Variants in ATP9A observed in about 807,000 individuals in gnomAD.
ATP9A encodes the protein ATPase phospholipid transporting 9A.
ATP9A carries 52 observed loss-of-function variants against 144.1 expected under a neutral mutation model. The observed-to-expected ratio is 0.36, with a 90% confidence interval of 0.29 to 0.45. ATP9A has a LOEUF of 0.45. ATP9A is among the 20% of genes least tolerant of loss of function. ATP9A has a pLI of 1.00. For missense variants in ATP9A, 947 were observed against 1,392.7 expected (o/e 0.68, Z 5.09); for synonymous variants, 582 against 557.4 (o/e 1.04, Z -0.62).
At chr20:51,607,411 CCCT>C in intron 26 of ATP9A, 113 bp downstream of exon 26, 1 of 941,504 alleles carries the variant, frequency 1.1e-6, no homozygotes, top group Admixed American at 2.2e-5. Flanking sequence ...CCCACTGCCA[CCCT>C]CCTTCCTGCT....
intron 24 of ATP9A, among the ~76,000 whole-genome samples, chr20:51,608,905 G>C (rs1293197074): frequency 7.3e-6 from 1 of 137,748 alleles, no homozygotes; most frequent in East Asian, 2.1e-4. Context: ...AAATATAATG[G>C]GGTAGAGGAA....
At chr20:51,656,844 C>A in intron 14 of ATP9A, 94 bp downstream of exon 14, 2 of 1,189,652 alleles carry the variant, frequency 1.7e-6, no homozygotes. Context: ...CTCCTGTCTG[C>A]CCTGACACAT....
intron 9 of ATP9A, among the ~76,000 whole-genome samples, chr20:51,680,240 A>C (rs2122800876): frequency 6.6e-6 from 1 of 151,854 alleles, no homozygotes; most frequent in East Asian, 1.9e-4. Context: ...AAAAAAAAAA[A>C]AAAAAACTTG....
In ATP9A at chr20:51,690,747, A is replaced by G; in HGVS notation, c.715T>C (p.Phe239Leu). The change falls in exon 8 of 28, where the codon TTT becomes CTT. Residue 239 changes from phenylalanine (F) to leucine (L), a missense_variant. Physicochemically the swap from Phe to Leu is conservative, Grantham distance 22 (BLOSUM62 0). Transcript: ENST00000338821. ...NIDIHNFVGTFTREDSDPPIS... is the reference protein window; with the variant it reads ...NIDIHNFVGTLTREDSDPPIS... ...GAAGGAAGCTCACTTACTCGGGTAA[A>G]AGTTCCCACGAAGTTGTGAATGTCA... 1.2e-6 allele frequency: 2 copies of G among 1,613,924 alleles called. No individual in the cohort carries two copies. The highest frequency in any genetic ancestry group is 2.7e-5 in the African/African-American group (2 of 75,018).
At chr20:51,675,433 T>C (rs1439031294) in intron 10 of ATP9A, among the ~76,000 whole-genome samples, 1 of 152,172 alleles carries the variant, frequency 6.6e-6, no homozygotes, top group Non-Finnish European at 1.5e-5. Context: ...GTCCTCACTG[T>C]GTAGCCTGGA....
intron 26 of ATP9A, among the ~76,000 whole-genome samples, chr20:51,606,947 T>C (rs903206004): frequency 6.6e-6 from 1 of 150,592 alleles, no homozygotes; most frequent in Admixed American, 6.6e-5. Context: ...ATCTATTATG[T>C]GCACTACAAA....
chr20:51,718,396 T>G (rs1049626406), intron 3 of ATP9A, among the ~76,000 whole-genome samples: 18 of 151,708 alleles, frequency 1.2e-4, no homozygotes, highest in Non-Finnish European at 2.5e-4. Flanking sequence ...TTTGTTTGGT[T>G]GTTTTGGTAC....
chr20:51,651,999 G>C (rs2077368638), intron 14 of ATP9A, among the ~76,000 whole-genome samples: 1 of 151,986 alleles, frequency 6.6e-6, no homozygotes, highest in African/African-American at 2.4e-5. Flanking sequence ...GCCATGGACA[G>C]AGCTGATCCT....
At chr20:51,712,361 A>T (rs2077643421) in intron 4 of ATP9A, among the ~76,000 whole-genome samples, 1 of 152,192 alleles carries the variant, frequency 6.6e-6, no homozygotes. Flanking sequence ...GGCGTGAGCC[A>T]CTGTACTGGG....
chr20:51,688,498 A>G (rs2077533200), intron 9 of ATP9A, among the ~76,000 whole-genome samples: 1 of 152,128 alleles, frequency 6.6e-6, no homozygotes, highest in South Asian at 2.1e-4. Flanking sequence ...AGACTGAGAC[A>G]CAAGAATCGC....
At chr20:51,676,915 C>A (rs2077479648) in intron 9 of ATP9A, among the ~76,000 whole-genome samples, 2 of 122,952 alleles carry the variant, frequency 1.6e-5, no homozygotes, top group African/African-American at 3.1e-5. Flanking sequence ...CACGCCCAGT[C>A]TCTTTTTTTT....
chr20:51,676,936 T>C (rs1247718623), intron 9 of ATP9A, among the ~76,000 whole-genome samples: 7 of 144,494 alleles, frequency 4.8e-5, no homozygotes, highest in African/African-American at 1.8e-4. Flanking sequence ...TTTTTTTTTT[T>C]TTTTTTTTTG....
At chr20:51,610,267 G>T in intron 23 of ATP9A, 102 bp from the exon 24 acceptor site, 2 of 895,118 alleles carry the variant, frequency 2.2e-6, no homozygotes, top group Non-Finnish European at 3.6e-6. Flanking sequence ...ACCCGCGCCG[G>T]CACTGCTGTA....
intron 13 of ATP9A, among the ~76,000 whole-genome samples, 186 bp from the exon 14 acceptor site, chr20:51,657,336 CA>C (rs1055012391): frequency 1.8e-4 from 24 of 134,844 alleles, no homozygotes; most frequent in Admixed American, 3.0e-4. Flanking sequence ...TTATGCTCGG[CA>C]AAAAAAAAAG....
Position 51,605,723 on chromosome 20 carries a change from G to A in ATP9A, c.2804-703C>T, listed in dbSNP as rs528903826. Among the ~76,000 whole-genome samples, 22 of 151,994 alleles carry A rather than the reference G, an allele frequency of 1.4e-4. No individual in the cohort carries two copies. In the South Asian group the frequency reaches 4.4e-3, roughly 30 times the overall value. On this transcript the variant is annotated intron_variant, in intron 26 of 27. Coordinates refer to ENST00000338821, the MANE Select transcript of ATP9A (RefSeq NM_006045.3). ...AGGCCAGGAGTTCAAGACCAGACTA[G>A]CCACCATGGCGAAACCCTGTCTCTA...
intron 4 of ATP9A, among the ~76,000 whole-genome samples, chr20:51,699,850 C>T (rs1323213484): frequency 6.6e-6 from 1 of 152,000 alleles, no homozygotes; most frequent in Non-Finnish European, 1.5e-5. Flanking sequence ...ACCATATTGG[C>T]CAGGCTTTTC....
At chr20:51,696,207 G>A in intron 5 of ATP9A, 63 bp from the exon 6 acceptor site, 1 of 1,524,978 alleles carries the variant, frequency 6.6e-7, no homozygotes, top group Non-Finnish European at 9.0e-7. Context: ...CGGTGGGGAG[G>A]GGGGCTTCCG....
intron 26 of ATP9A, among the ~76,000 whole-genome samples, chr20:51,606,098 G>A (rs112802281): frequency 7.2e-4 from 109 of 151,684 alleles, no homozygotes; most frequent in Non-Finnish European, 1.3e-3. Flanking sequence ...TGAAACCCCC[G>A]CCTCTACTAA....
intron 9 of ATP9A, among the ~76,000 whole-genome samples, chr20:51,680,943 T>C (rs1224627650): frequency 6.6e-6 from 1 of 152,046 alleles, no homozygotes; most frequent in Non-Finnish European, 1.5e-5. Context: ...CTCCCTCCCC[T>C]ACCGCACCCC....
Sources: gnomAD v4.1 joint callset for allele counts (sites outside exome capture counted in the v4.1 genomes callset) on GRCh38, gnomAD v4.1.1 for gene constraint, MANE v1.5 for transcripts, NCBI Gene and HGNC (gene_info 2026-07-23, HGNC 2026-07-21) for gene names.